The following BRD4 variants were observed in gnomAD, a reference collection of about 807,000 sequenced individuals.
BRD4 encodes the protein bromodomain containing 4, also known as bromodomain-containing protein 4.
Under a neutral mutation model 142.1 loss-of-function variants are expected in BRD4, and 16 were observed. The observed-to-expected ratio is 0.11, with a 90% CI of 0.08 to 0.17. The LOEUF is 0.17. BRD4 is among the 10% of genes least tolerant of loss of function. The pLI is 1.00. For synonymous variants in BRD4, 833 were observed against 707.5 expected, an observed-to-expected ratio of 1.18 and a Z score of -2.82; for missense variants, 1,424 against 1,810.9, an observed-to-expected ratio of 0.79 and a Z score of 3.88.
intron 6 of BRD4, 97 bp downstream of exon 6, chr19:15,264,307 G>A (rs1258496803): frequency 1.4e-6 from 2 of 1,470,226 alleles, no homozygotes; most frequent in Non-Finnish European, 1.8e-6. Context: ...CCGTTCCAGG[G>A]CCTGGGCTTC....
rs1403991926 is a variant in BRD4, at chr19:15,238,833, T to C, written c.3930A>G (p.Pro1310=). The change falls in exon 19 of 20, where the codon CCA becomes CCG. Residue 1310 remains proline, a synonymous_variant. Coordinates refer to ENST00000679869, the MANE Select transcript of BRD4 (RefSeq NM_001379291.1). The surrounding 1 kb of genome is among the most constrained non-coding windows in gnomAD (Gnocchi z 7.2). ...QAAAVAAAAT[P]QAQSSQPQSM... Reference sequence around the variant, plus strand: ...ACTGGGGCTGGGAGCTCTGGGCCTGTGGGGTGGCGGCGGCAGCCACCGCAG... The same window carrying C: ...ACTGGGGCTGGGAGCTCTGGGCCTGCGGGGTGGCGGCGGCAGCCACCGCAG... 1.9e-6 allele frequency: 3 copies of C among 1,604,074 alleles called. No homozygotes were observed. Among genetic ancestry groups the C allele is most frequent in the Admixed American group, 3.4e-5 (2 of 59,376 alleles).
chr19:15,243,029 G>A lies in BRD4; in HGVS notation c.3040C>T (p.Pro1014Ser), dbSNP rs1568377638. 6.5e-7 allele frequency: 1 copy of A among 1,530,762 alleles called. No homozygotes were observed. The highest frequency in any genetic ancestry group is 8.8e-7 in the Non-Finnish European group (1 of 1,139,090). 94.8% of individuals were successfully genotyped at this position (1,530,762 alleles called of 1,614,324 possible). ...FSTHIQQPPP[P>S]QGQQPPHPPP... is the part of the protein sequence containing the mutation. The stretch of plus-strand genomic sequence containing the variant: ...GGATGGGGGGGCTGCTGGCCCTGGG[G>A]TGGCGGGGGCTGTTGGATGTGGGTG... Residue 1014 changes from proline to serine, a missense_variant, in exon 14 of 20, where the codon CCC becomes TCC. This residue lies in a region of BRD4 where 598 missense variants were observed against 647.8 expected (regional missense o/e 0.92). Coordinates refer to ENST00000679869, the MANE Select transcript of BRD4 (RefSeq NM_001379291.1).
rs1264236746 is a variant in BRD4 at position 15,313,862 on chromosome 19, GCAC to G, written c.-35+18425_-35+18427del. Among the ~76,000 whole-genome samples, 11 of 152,240 alleles carry G rather than the reference GCAC, an allele frequency of 7.2e-5. No individual in the cohort carries two copies. In the East Asian group the frequency reaches 2.1e-3, roughly 29 times the overall value. ...CCACCTTGCTTACCGCTGACCTCCA[GCAC>G]CCAGACAATCCCTGGCACTCAGCAC... On this transcript the variant is annotated intron_variant, in intron 1 of 19. Transcript: ENST00000679869.
chr19:15,284,752 C>CAGTAACTTT (rs1364120256), intron 1 of BRD4, among the ~76,000 whole-genome samples: 2 of 152,166 alleles, frequency 1.3e-5, no homozygotes, highest in African/African-American at 4.8e-5. Flanking sequence ...CCTCTCATCT[C>CAGTAACTTT]AGTAACTTTC....
At position 15,264,783 on chromosome 19, in the gene BRD4, C is replaced by T. The variant is rs202159272; in HGVS notation, c.850-17G>A. 4.1e-5 allele frequency: 65 copies of T among 1,582,686 alleles called. No homozygotes were observed. The highest frequency in any genetic ancestry group is 4.6e-5 in the Non-Finnish European group (54 of 1,161,656). ...CTTCTTTGTCTGCCAAGAACACGGA[C>T]GCCAACAGGCACAGTCAGAAGTGGC... On this transcript the variant is annotated splice_polypyrimidine_tract_variant and intron_variant, in intron 5 of 19. Transcript: ENST00000679869.
chr19:15,249,456 C>G (rs1448220986), intron 11 of BRD4, among the ~76,000 whole-genome samples: 1 of 152,104 alleles, frequency 6.6e-6, no homozygotes, highest in East Asian at 1.9e-4. Flanking sequence ...GCCTGGCTAA[C>G]CCTGGGTAGG....
At chr19:15,263,864 T>C (rs2047501536) in intron 6 of BRD4, among the ~76,000 whole-genome samples, 1 of 152,176 alleles carries the variant, frequency 6.6e-6, no homozygotes, top group African/African-American at 2.4e-5. Context: ...GATGACACAG[T>C]ACAGGAGCTG....
rs141864433 is a variant in BRD4, at chr19:15,287,368, C to T, written c.-34-14235G>A. On this transcript the variant is annotated intron_variant, in intron 1 of 19. Transcript: ENST00000679869. ...AGTTTGGTGACATTAAGTGCATTCACGCTACTATGCAATCACTATCTAGCT... is the reference window on the plus strand; with the variant it reads ...AGTTTGGTGACATTAAGTGCATTCATGCTACTATGCAATCACTATCTAGCT... Among the ~76,000 whole-genome samples the T allele has an allele frequency of 3.3e-5, 5 of 152,170 alleles. 1 individual carries two copies. Among genetic ancestry groups the T allele is most frequent in the Admixed American group, 2.0e-4 (3 of 15,282 alleles).
At chr19:15,244,846 G>A in intron 11 of BRD4, 84 bp from the exon 12 acceptor site, 2 of 1,604,236 alleles carry the variant, frequency 1.2e-6, no homozygotes, top group Non-Finnish European at 1.7e-6. Context: ...GAGAAAACAG[G>A]GCACTTTCAG....
chr19:15,290,912 G>A (rs927376205), intron 1 of BRD4, among the ~76,000 whole-genome samples: 2 of 152,064 alleles, frequency 1.3e-5, no homozygotes, highest in Non-Finnish European at 2.9e-5. Context: ...TTTAAAAAGC[G>A]TTCTTCATAA....
intron 1 of BRD4, among the ~76,000 whole-genome samples, chr19:15,325,304 C>G (rs2048097884): frequency 6.6e-6 from 1 of 152,190 alleles, no homozygotes; most frequent in Admixed American, 6.5e-5. Context: ...TGTTATCAGT[C>G]TTTGGAGCAA....
rs2145603211 is a variant in BRD4 at position 15,265,440 on chromosome 19, G to A, written c.763C>T (p.Pro255Ser). 6.3e-7 allele frequency: 1 copy of A among 1,575,580 alleles called. No individual in the cohort carries two copies. The highest frequency in any genetic ancestry group is 8.6e-7 in the Non-Finnish European group (1 of 1,159,466). Reference sequence around the variant, plus strand: ...GGAGCGGGTGGGGGTTGTGGCTGGGGGGGCACTGGCGGGGGCGTCTGCAGT... The same window carrying A: ...GGAGCGGGTGGGGGTTGTGGCTGGGAGGGCACTGGCGGGGGCGTCTGCAGT... ...QPLQTPPPVP[P>S]QPQPPPAPAP... Residue 255 changes from proline (P) to serine (S), a missense_variant, in exon 5 of 20, where the codon CCC (proline) becomes TCC (serine). Physicochemically the swap from Pro to Ser is moderately conservative, Grantham distance 74. This residue lies in a region of BRD4 where 140 missense variants were observed against 131.7 expected (regional missense o/e 1.06). Coordinates refer to ENST00000679869, the MANE Select transcript of BRD4 (RefSeq NM_001379291.1).
chr19:15,295,344 C>T (rs944631729), intron 1 of BRD4, among the ~76,000 whole-genome samples: 1 of 152,220 alleles, frequency 6.6e-6, no homozygotes, highest in African/African-American at 2.4e-5. Context: ...TATCAATACA[C>T]TAGGCTTTCT....
intron 7 of BRD4, among the ~76,000 whole-genome samples, chr19:15,259,463 T>C (rs2047446212): frequency 6.6e-6 from 1 of 152,210 alleles, no homozygotes; most frequent in African/African-American, 2.4e-5. Context: ...TGGGTGCTCA[T>C]GGCCCTGGCT....
intron 1 of BRD4, among the ~76,000 whole-genome samples, chr19:15,276,240 G>A (rs1255889800): frequency 6.6e-6 from 1 of 152,202 alleles, no homozygotes; most frequent in African/African-American, 2.4e-5. Context: ...ACCACTTCTA[G>A]TCTGTTATGG....
intron 4 of BRD4, among the ~76,000 whole-genome samples, chr19:15,266,509 G>A (rs895904476): frequency 4.6e-5 from 7 of 152,126 alleles, no homozygotes; most frequent in Non-Finnish European, 1.0e-4. Flanking sequence ...TCTGCCCAGC[G>A]TGCAGCCCAA....
Position 15,239,515 on chromosome 19 carries a change from T to C in BRD4, c.3453A>G (p.Glu1151=). The change falls in exon 17 of 20, where the codon GAA becomes GAG. Residue 1151 remains glutamate (E), a synonymous_variant. Transcript: ENST00000679869. This position sits in a 1 kb window ranked among gnomAD's most constrained non-coding sequence, Gnocchi z 7.4. ...GCCTCCCGACATCCACAGGCTTCAT[T>C]TCCGGCCCTGGAACATAAACAGCCG... ...KAPVHLPQRP[E]MKPVDVGRPV... 1 of 1,612,352 alleles carries C rather than the reference T, an allele frequency of 6.2e-7. No individual in the cohort carries two copies. The highest frequency in any genetic ancestry group is 8.5e-7 in the Non-Finnish European group (1 of 1,179,340).
At chr19:15,322,116 A>C (rs1322485017) in intron 1 of BRD4, among the ~76,000 whole-genome samples, 1 of 152,150 alleles carries the variant, frequency 6.6e-6, no homozygotes, top group African/African-American at 2.4e-5. Flanking sequence ...CCCCCATAAG[A>C]AACACATTTT....
chr19:15,285,784 C>CA (rs1448172637), intron 1 of BRD4, among the ~76,000 whole-genome samples: 1 of 152,044 alleles, frequency 6.6e-6, no homozygotes, highest in African/African-American at 2.4e-5. Flanking sequence ...ACATAGTTAT[C>CA]AATCAGGAAC....
Sources: allele counts gnomAD v4.1 joint callset (sites outside exome capture counted in the v4.1 genomes callset), GRCh38; gene constraint gnomAD v4.1.1; regional missense constraint gnomAD v4.1.1; non-coding constraint Gnocchi (gnomAD v3.1); transcripts MANE v1.5; gene names NCBI Gene and HGNC (gene_info 2026-07-23, HGNC 2026-07-21).